LHFPL2: variants seen among roughly 807,000 people sequenced by gnomAD.
LHFPL2 encodes the protein LHFPL tetraspan subfamily member 2.
A neutral mutation model predicts 17.5 loss-of-function variants in LHFPL2; 7 were observed. That is an observed-to-expected ratio of 0.40 (90% CI 0.23 to 0.75). LHFPL2 has a LOEUF of 0.75. LHFPL2 is among the 30% of genes least tolerant of loss of function. The pLI is 0.37. For missense variants in LHFPL2, 241 were observed against 294.8 expected (o/e 0.82, Z 1.34); for synonymous variants, 134 against 116.2 (o/e 1.15, Z -0.99).
chr5:78,526,422 T>C (rs898014301), intron 3 of LHFPL2, among the ~76,000 whole-genome samples: 3 of 152,182 alleles, frequency 2.0e-5, no homozygotes, highest in Non-Finnish European at 2.9e-5. Flanking sequence ...CACTCAGAAA[T>C]ACAACCAAGT....
At chr5:78,578,950 G>A (rs1580824459) in intron 2 of LHFPL2, among the ~76,000 whole-genome samples, 1 of 152,190 alleles carries the variant, frequency 6.6e-6, no homozygotes, top group African/African-American at 2.4e-5. Context: ...CCTGCTCCTA[G>A]AAGTTACAAT....
At chr5:78,536,162 G>T (rs1373031497) in intron 3 of LHFPL2, among the ~76,000 whole-genome samples, 1 of 152,138 alleles carries the variant, frequency 6.6e-6, no homozygotes, top group African/African-American at 2.4e-5. Context: ...GAGAGTGGGG[G>T]GATCAGAAAC....
chr5:78,565,958 G>A (rs1223387658), intron 2 of LHFPL2, among the ~76,000 whole-genome samples: 1 of 152,138 alleles, frequency 6.6e-6, no homozygotes, highest in East Asian at 1.9e-4. Flanking sequence ...ATTTAAAAAT[G>A]ATTAGGCTTA....
intron 3 of LHFPL2, among the ~76,000 whole-genome samples, chr5:78,563,739 C>T (rs189892990): frequency 2.0e-5 from 3 of 151,946 alleles, no homozygotes; most frequent in African/African-American, 7.3e-5. Context: ...TGATAAGGTG[C>T]CAATGATTAG....
At chr5:78,518,761 C>CT (rs533907526) in intron 3 of LHFPL2, among the ~76,000 whole-genome samples, 2 of 152,302 alleles carry the variant, frequency 1.3e-5, no homozygotes, top group Admixed American at 6.5e-5. Context: ...AGAAAAACCC[C>CT]TTTTTAAAAA....
At chr5:78,564,228 C>T (rs1756802467) in intron 3 of LHFPL2, among the ~76,000 whole-genome samples, 3 of 152,136 alleles carry the variant, frequency 2.0e-5, no homozygotes, top group Admixed American at 2.0e-4. Flanking sequence ...TGACTATGTA[C>T]TGCCTTGATT....
chr5:78,607,547 T>C (rs1744264192), intron 2 of LHFPL2, among the ~76,000 whole-genome samples: 1 of 152,238 alleles, frequency 6.6e-6, no homozygotes, highest in East Asian at 1.9e-4. Context: ...CTAAATGTCT[T>C]TTTTGTGCAT....
At chr5:78,538,422 T>C (rs550562555) in intron 3 of LHFPL2, among the ~76,000 whole-genome samples, 79 of 152,110 alleles carry the variant, frequency 5.2e-4, no homozygotes, top group Middle Eastern at 3.4e-3. Flanking sequence ...GGGGGAAAAA[T>C]CTCAGTGCAT....
At chr5:78,607,870 A>C (rs1445639742) in intron 2 of LHFPL2, among the ~76,000 whole-genome samples, 2 of 152,232 alleles carry the variant, frequency 1.3e-5, no homozygotes, top group African/African-American at 4.8e-5. Context: ...TCTTTGGTAG[A>C]TCTATGTAAT....
At chr5:78,545,330 G>A (rs1756239719) in intron 3 of LHFPL2, among the ~76,000 whole-genome samples, 1 of 152,194 alleles carries the variant, frequency 6.6e-6, no homozygotes, top group South Asian at 2.1e-4. Context: ...AGAATCAAGA[G>A]TAGGATTTCT....
At chr5:78,641,087 G>T (rs1344453300) in intron 1 of LHFPL2, among the ~76,000 whole-genome samples, 3 of 152,200 alleles carry the variant, frequency 2.0e-5, no homozygotes, top group Non-Finnish European at 4.4e-5. Context: ...TTCAGAGGAA[G>T]GGTGTGCAAA....
chr5:78,513,832 G>A (rs1561315455), intron 3 of LHFPL2, among the ~76,000 whole-genome samples: 1 of 152,192 alleles, frequency 6.6e-6, no homozygotes, highest in Non-Finnish European at 1.5e-5. Context: ...AGAACTGTGA[G>A]TTCATTAAAC....
intron 2 of LHFPL2, among the ~76,000 whole-genome samples, chr5:78,616,354 G>C (rs1233776841): frequency 2.0e-5 from 3 of 152,024 alleles, no homozygotes; most frequent in Non-Finnish European, 4.4e-5. Context: ...ATCTCGATCT[G>C]CTGACCTTGT....
intron 2 of LHFPL2, among the ~76,000 whole-genome samples, chr5:78,618,925 T>C (rs1744725968): frequency 6.6e-6 from 1 of 152,142 alleles, no homozygotes; most frequent in Non-Finnish European, 1.5e-5. Flanking sequence ...CACAGCAGAA[T>C]GGTATTATAC....
chr5:78,542,883 T>C (rs927443607), intron 3 of LHFPL2, among the ~76,000 whole-genome samples: 1 of 152,176 alleles, frequency 6.6e-6, no homozygotes, highest in Admixed American at 6.5e-5. Flanking sequence ...AATGGTGATA[T>C]GGAAGGTAGA....
chr5:78,537,376 G>A (rs1302002721), intron 3 of LHFPL2, among the ~76,000 whole-genome samples: 1 of 152,170 alleles, frequency 6.6e-6, no homozygotes, highest in Non-Finnish European at 1.5e-5. Flanking sequence ...CCCCAAAAAT[G>A]GTTATTCGTG....
intron 4 of LHFPL2, among the ~76,000 whole-genome samples, chr5:78,495,907 G>A (rs1754590417): frequency 2.6e-5 from 4 of 152,106 alleles, no homozygotes; most frequent in African/African-American, 9.7e-5. Context: ...CAACAATCTG[G>A]TCACACTACA....
intron 2 of LHFPL2, among the ~76,000 whole-genome samples, chr5:78,627,217 G>A (rs1464854611): frequency 5.3e-5 from 8 of 152,166 alleles, no homozygotes; most frequent in African/African-American, 1.7e-4. Context: ...GAAAGGCTGA[G>A]CCCCAGCAAG....
intron 2 of LHFPL2, among the ~76,000 whole-genome samples, chr5:78,566,827 A>G (rs1756872639): frequency 6.6e-6 from 1 of 152,178 alleles, no homozygotes; most frequent in Non-Finnish European, 1.5e-5. Context: ...ATTTCCCACA[A>G]TTTTATTTTA....
Sources: gnomAD v4.1 joint callset for allele counts (sites outside exome capture counted in the v4.1 genomes callset) on GRCh38, gnomAD v4.1.1 for gene constraint, MANE v1.5 for transcripts, NCBI Gene and HGNC (gene_info 2026-07-23, HGNC 2026-07-21) for gene names.